Variants in CECR2 observed in about 807,000 individuals in gnomAD.
The protein encoded by CECR2 is chromatin remodeling regulator CECR2.
CECR2 carries 30 observed loss-of-function variants against 154.5 expected under a neutral mutation model. The observed-to-expected ratio is 0.19, with a 90% CI of 0.15 to 0.26. The LOEUF (loss-of-function observed/expected upper bound fraction) is 0.26, where lower values mean the gene tolerates loss of function less well. Among genes scored for constraint, CECR2 ranks in the 10% least tolerant of loss-of-function variants. The pLI, the probability that CECR2 is intolerant of heterozygous loss-of-function variation, is 1.00. For missense variants in CECR2, 1,743 were observed against 1,829.3 expected, an observed-to-expected ratio of 0.95 and a Z score of 0.86; for synonymous variants, 725 against 683.7, an observed-to-expected ratio of 1.06 and a Z score of -0.94.
At chr22:17,451,352 G>A (rs915202596) in intron 1 of CECR2, among the ~76,000 whole-genome samples, 5 of 152,182 alleles carry the variant, frequency 3.3e-5, no homozygotes, top group Non-Finnish European at 7.3e-5. Flanking sequence ...TTAGGGATTG[G>A]TTGTACATTG....
rs563686396 is a variant in CECR2, at chr22:17,430,755, G to T, written c.127-46833G>T. The stretch of plus-strand genomic sequence containing the variant: ...ATCATCCCTTTGGGTCATGGCTGCA[G>T]TGTCTCTTGGTGGTTTTAAAAACAG... On this transcript the variant is annotated intron_variant, in intron 1 of 18. Coordinates refer to ENST00000262608, the MANE Select transcript of CECR2 (RefSeq NM_001290047.2). Among the ~76,000 whole-genome samples the T allele has an allele frequency of 1.7e-3, 256 of 152,242 alleles. 1 individual carries two copies. The highest frequency in any genetic ancestry group is 2.7e-3 in the South Asian group (13 of 4,806).
rs535781843 is a variant in CECR2, at chr22:17,462,584, G to C, written c.127-15004G>C. ...AGTCTGTATTGGATATGGGGAACCA[G>C]TTTGGAAGTCCCGGTGAGAAGTTTA... is the stretch of plus-strand genomic sequence containing the variant. On this transcript the variant is annotated intron_variant, in intron 1 of 18. Transcript: ENST00000262608. Among the ~76,000 whole-genome samples the C allele has an allele frequency of 1.9e-3, 295 of 152,240 alleles. 1 individual carries two copies. Among genetic ancestry groups the C allele is most frequent in the Middle Eastern group, 6.8e-3 (2 of 294 alleles).
rs779112675 is a variant in CECR2, at chr22:17,542,358, G to T, written c.2215G>T (p.Gly739Trp). Residue 739 changes from glycine (G) to tryptophan (W), a missense_variant, in exon 16 of 19, where the codon GGG becomes TGG. Gly to Trp is a radical substitution (Grantham distance 184). This residue lies in a region of CECR2 where 1,250 missense variants were observed against 1,192.1 expected (regional missense o/e 1.05). Coordinates refer to ENST00000262608, the MANE Select transcript of CECR2 (RefSeq NM_001290047.2). ...GCCAGGATTCATTCCTCCCCGGCATGGGGGGGCTCCAGCCCGGCCACCAGA... is the reference window on the plus strand; with the variant it reads ...GCCAGGATTCATTCCTCCCCGGCATTGGGGGGCTCCAGCCCGGCCACCAGA... Reference protein sequence around the residue: ...FQPGFIPPRHGGAPARPPDFP... With the variant: ...FQPGFIPPRHWGAPARPPDFP... The T allele has an allele frequency of 2.7e-5, 44 of 1,613,604 alleles. No individual in the cohort carries two copies. In the South Asian group the frequency reaches 3.5e-4, roughly 13 times the overall value.
At chr22:17,431,584 ATATAC>A (rs2054423597) in intron 1 of CECR2, among the ~76,000 whole-genome samples, 1 of 152,230 alleles carries the variant, frequency 6.6e-6, no homozygotes, top group African/African-American at 2.4e-5. Flanking sequence ...CCTTGCTTTT[ATATAC>A]TACTGTTTCA....
intron 7 of CECR2, among the ~76,000 whole-genome samples, chr22:17,505,597 A>G (rs1010910030): frequency 3.0e-5 from 4 of 131,466 alleles, no homozygotes; most frequent in Non-Finnish European, 4.6e-5. Context: ...GCAGCGGTGC[A>G]ATCTGAGTTC....
At position 17,556,917 on chromosome 22, in the gene CECR2, A is replaced by C. The variant is rs879333988; in HGVS notation, c.*4077A>C. 3.3e-5 allele frequency: 5 copies of C among 152,166 alleles called. No homozygotes were observed. The highest frequency in any genetic ancestry group is 5.9e-5 in the Non-Finnish European group (4 of 68,062). 9.4% of individuals were successfully genotyped at this position (152,166 alleles called of 1,614,324 possible). ...TCTCCGGACACTAGCTTCAGTAAGG[A>C]TACTTCTTATTTCGGTTGAGAATGC... On this transcript the variant is annotated 3_prime_UTR_variant, in exon 19 of 19. Transcript: ENST00000262608.
At chr22:17,423,067 G>T (rs539954488) in intron 1 of CECR2, among the ~76,000 whole-genome samples, 2 of 152,148 alleles carry the variant, frequency 1.3e-5, no homozygotes, top group South Asian at 4.2e-4. Context: ...TTGCCTTTTA[G>T]TGTGCCTTGC....
chr22:17,504,995 C>A lies in CECR2; in HGVS notation c.849C>A (p.Ile283=), dbSNP rs757675626. ...KLLSEDFLPE[I]CNMIAQKGKR... ...TCAGTGAGGACTTCCTGCCTGAGAT[C>A]TGCAACATGATCGCCCAGAAGGTGC... Residue 283 remains isoleucine, a synonymous_variant, in exon 7 of 19, where the codon ATC becomes ATA. Coordinates refer to ENST00000262608, the MANE Select transcript of CECR2 (RefSeq NM_001290047.2). The A allele has an allele frequency of 3.1e-6, 5 of 1,613,536 alleles. No individual in the cohort carries two copies. The African/African-American group carries it at 4.0e-5, about 13-fold the overall frequency.
intron 1 of CECR2, among the ~76,000 whole-genome samples, chr22:17,376,493 G>C (rs199885424): frequency 8.9e-6 from 1 of 112,394 alleles, no homozygotes; most frequent in Non-Finnish European, 1.7e-5. Context: ...GCTGGGGCTC[G>C]CACAATGCAG....
intron 1 of CECR2, among the ~76,000 whole-genome samples, chr22:17,395,372 T>G (rs1332159359): frequency 1.3e-5 from 2 of 150,942 alleles, no homozygotes; most frequent in African/African-American, 4.9e-5. Context: ...TGAGATGGAG[T>G]CTCGCTCTGT....
chr22:17,395,600 C>T (rs1417873273), intron 1 of CECR2, among the ~76,000 whole-genome samples: 1 of 152,154 alleles, frequency 6.6e-6, no homozygotes, highest in Non-Finnish European at 1.5e-5. Flanking sequence ...CCGCCTCAGC[C>T]CTCCCAAAGT....
At chr22:17,438,119 A>G (rs1318078185) in intron 1 of CECR2, among the ~76,000 whole-genome samples, 1 of 152,226 alleles carries the variant, frequency 6.6e-6, no homozygotes, top group African/African-American at 2.4e-5. Flanking sequence ...AGCAAGCTGA[A>G]TATTACATGC....
chr22:17,429,393 C>T (rs987893742), intron 1 of CECR2, among the ~76,000 whole-genome samples: 10 of 151,746 alleles, frequency 6.6e-5, no homozygotes, highest in African/African-American at 2.2e-4. Context: ...GATTTGAGAG[C>T]AGGGCATATG....
At chr22:17,441,318 G>A (rs940810737) in intron 1 of CECR2, among the ~76,000 whole-genome samples, 6 of 152,132 alleles carry the variant, frequency 3.9e-5, no homozygotes, top group Non-Finnish European at 7.4e-5. Flanking sequence ...ATCTGGGATG[G>A]CCCTAGATAG....
chr22:17,523,386 A>G (rs969733952), intron 8 of CECR2, among the ~76,000 whole-genome samples: 3 of 151,914 alleles, frequency 2.0e-5, no homozygotes, highest in Admixed American at 2.0e-4. Context: ...CTCAAAAAAA[A>G]AAAAGGAACT....
chr22:17,495,981 G>A (rs1369685367), intron 2 of CECR2, among the ~76,000 whole-genome samples: 2 of 151,932 alleles, frequency 1.3e-5, no homozygotes, highest in East Asian at 3.9e-4. Context: ...TTTGAGTCCA[G>A]CCTGGACAAT....
Position 17,473,578 on chromosome 22 carries a change from C to T in CECR2, c.127-4010C>T, listed in dbSNP as rs1221649993. Among the ~76,000 whole-genome samples, 7 of 152,154 alleles carry T rather than the reference C, an allele frequency of 4.6e-5. 1 individual carries two copies. The highest frequency in any genetic ancestry group is 7.3e-5 in the Non-Finnish European group (5 of 68,030). On this transcript the variant is annotated intron_variant, in intron 1 of 18. Coordinates refer to ENST00000262608, the MANE Select transcript of CECR2 (RefSeq NM_001290047.2). ...CCTCCGAATTTTGAAAAGGACACTTCGCAGTTTTTCCACAAACTATCATTG... is the reference window on the plus strand; with the variant it reads ...CCTCCGAATTTTGAAAAGGACACTTTGCAGTTTTTCCACAAACTATCATTG...
intron 1 of CECR2, among the ~76,000 whole-genome samples, chr22:17,422,037 C>G (rs1221083677): frequency 1.3e-5 from 2 of 151,842 alleles, no homozygotes; most frequent in East Asian, 1.9e-4. Context: ...CCTCGTCTTG[C>G]TTGTCTGGTT....
At chr22:17,543,565 C>CTTT (rs60659527) in intron 16 of CECR2, among the ~76,000 whole-genome samples, 12 of 143,548 alleles carry the variant, frequency 8.4e-5, no homozygotes, top group Non-Finnish European at 1.5e-4. Flanking sequence ...CCTCCTGAGA[C>CTTT]TTTTTTTTTT....
Sources: allele counts gnomAD v4.1 joint callset (sites outside exome capture counted in the v4.1 genomes callset), GRCh38; gene constraint gnomAD v4.1.1; regional missense constraint gnomAD v4.1.1; transcripts MANE v1.5; gene names NCBI Gene and HGNC (gene_info 2026-07-23, HGNC 2026-07-21).